Variants in UBE2L3 observed in about 807,000 individuals in gnomAD.
UBE2L3 encodes ubiquitin-conjugating enzyme E2 L3.
In UBE2L3, 1 loss-of-function variant was observed where a neutral mutation model predicts 17.8. The observed-to-expected ratio is 0.06, with a 90% CI of 0.02 to 0.27. The LOEUF (loss-of-function observed/expected upper bound fraction) is 0.27, where lower values mean the gene tolerates loss of function less well. Among genes scored for constraint, UBE2L3 ranks in the 10% least tolerant of loss-of-function variants. UBE2L3 has a pLI of 1.00. For missense variants in UBE2L3, 40 were observed against 192.6 expected, an observed-to-expected ratio of 0.21 and a Z score of 4.69; for synonymous variants, 44 against 68.5, an observed-to-expected ratio of 0.64 and a Z score of 1.76.
chr22:21,573,157 T>G (rs569942319), intron 1 of UBE2L3, among the ~76,000 whole-genome samples: 3 of 152,212 alleles, frequency 2.0e-5, no homozygotes, highest in African/African-American at 7.2e-5. Flanking sequence ...TAGTGTATGG[T>G]GTGGTGTGCA....
chr22:21,593,483 T>C (rs1928370182), intron 2 of UBE2L3, among the ~76,000 whole-genome samples: 1 of 152,152 alleles, frequency 6.6e-6, no homozygotes. Context: ...CTGGGGCTTA[T>C]GCCTCCAGTG....
At chr22:21,619,874 T>G (rs1200811855) in intron 3 of UBE2L3, among the ~76,000 whole-genome samples, 1 of 152,166 alleles carries the variant, frequency 6.6e-6, no homozygotes, top group African/African-American at 2.4e-5. Flanking sequence ...GTATTTTTAG[T>G]AGAGACGGGG....
At chr22:21,609,826 G>A (rs570572582) in intron 2 of UBE2L3, among the ~76,000 whole-genome samples, 1 of 152,132 alleles carries the variant, frequency 6.6e-6, no homozygotes, top group Non-Finnish European at 1.5e-5. Context: ...AGGAGTTCAA[G>A]ACCAGCCTGG....
chr22:21,619,727 T>G (rs961933255), intron 3 of UBE2L3, among the ~76,000 whole-genome samples: 1 of 152,244 alleles, frequency 6.6e-6, no homozygotes, highest in African/African-American at 2.4e-5. Flanking sequence ...AGTCTCGCTC[T>G]GTTGCCCAAG....
At chr22:21,600,704 G>T (rs541766146) in intron 2 of UBE2L3, among the ~76,000 whole-genome samples, 4 of 151,682 alleles carry the variant, frequency 2.6e-5, no homozygotes, top group African/African-American at 4.8e-5. Context: ...TCAAAAAAAA[G>T]GAAATATTTG....
At chr22:21,567,663 C>A (rs1926699835), upstream of UBE2L3, 2 of 1,548,968 alleles carry the variant, frequency 1.3e-6, no homozygotes, top group Non-Finnish European at 1.7e-6. Context: ...CGCGGCCCCT[C>A]CCCCGCTCCA....
At chr22:21,567,171 T>C (rs540808685), upstream of UBE2L3, among the ~76,000 whole-genome samples, 1 of 152,180 alleles carries the variant, frequency 6.6e-6, no homozygotes, top group South Asian at 2.1e-4. Context: ...TCAACTTTTT[T>C]TTTTTCCCCC....
At chr22:21,574,354 G>T (rs1400048081) in intron 1 of UBE2L3, among the ~76,000 whole-genome samples, 1 of 152,202 alleles carries the variant, frequency 6.6e-6, no homozygotes, top group Non-Finnish European at 1.5e-5. Context: ...CTTCGTCCGT[G>T]TGTGAAGGTT....
At chr22:21,593,278 T>G (rs2148422997) in intron 2 of UBE2L3, among the ~76,000 whole-genome samples, 1 of 152,296 alleles carries the variant, frequency 6.6e-6, no homozygotes, top group South Asian at 2.1e-4. Context: ...GACCTTCTTC[T>G]CTGAGCTCCT....
chr22:21,614,197 C>T (rs1483050841), intron 3 of UBE2L3, among the ~76,000 whole-genome samples: 1 of 152,198 alleles, frequency 6.6e-6, no homozygotes, highest in African/African-American at 2.4e-5. Context: ...TTTTCTGGTG[C>T]TATTTCCTGA....
At chr22:21,557,863 T>C (rs866591802) in intron 1 of UBE2L3, among the ~76,000 whole-genome samples, 1 of 152,204 alleles carries the variant, frequency 6.6e-6, no homozygotes, top group African/African-American at 2.4e-5. Context: ...TTCGAAGAAG[T>C]GTTTTGGTTT....
chr22:21,581,614 C>G (rs1040641109), intron 1 of UBE2L3, among the ~76,000 whole-genome samples: 1 of 151,988 alleles, frequency 6.6e-6, no homozygotes, highest in African/African-American at 2.4e-5. Flanking sequence ...CCAGCCTGAC[C>G]AACATGAATA....
At chr22:21,603,907 A>ATT (rs144747629) in intron 2 of UBE2L3, among the ~76,000 whole-genome samples, 1,567 of 111,310 alleles carry the variant, frequency 0.014, 47 homozygotes, top group African/African-American at 0.047. Flanking sequence ...GTGTTTTTTG[A>ATT]TTTTTTTTTT....
chr22:21,570,674 T>C (rs988634714), intron 1 of UBE2L3, among the ~76,000 whole-genome samples: 3 of 152,198 alleles, frequency 2.0e-5, no homozygotes, highest in African/African-American at 7.2e-5. Flanking sequence ...ATGCTGATCA[T>C]TGGCTGTGAG....
intron 1 of UBE2L3, among the ~76,000 whole-genome samples, chr22:21,557,493 C>G (rs1413146533): frequency 2.6e-5 from 4 of 152,166 alleles, no homozygotes; most frequent in Non-Finnish European, 4.4e-5. Context: ...TGGGGAGAGA[C>G]AGTGCCCATA....
At position 21,609,658 on chromosome 22, in the gene UBE2L3, A is replaced by G. The variant is rs115198370; in HGVS notation, c.124-1199A>G. Among the ~76,000 whole-genome samples the G allele has an allele frequency of 5.7e-3, 864 of 152,226 alleles. 5 individuals carry two copies. The highest frequency in any genetic ancestry group is 0.019 in the African/African-American group (808 of 41,532). ...GTGAAGTCAAGGTTGCAATGAGCCAAGATCACGCCACCATCCAGTGGGCAA... is the reference window on the plus strand; with the variant it reads ...GTGAAGTCAAGGTTGCAATGAGCCAGGATCACGCCACCATCCAGTGGGCAA... On this transcript the variant is annotated intron_variant, in intron 2 of 3. Coordinates refer to ENST00000342192, the MANE Select transcript of UBE2L3 (RefSeq NM_003347.4).
At chr22:21,573,776 C>T (rs1284299500) in intron 1 of UBE2L3, among the ~76,000 whole-genome samples, 2 of 152,172 alleles carry the variant, frequency 1.3e-5, no homozygotes, top group East Asian at 3.9e-4. Flanking sequence ...TGCGTCTGAC[C>T]TTGTGCCGTC....
rs373099071 is a variant in UBE2L3, at chr22:21,615,654, T to C, written c.310+4611T>C. ...ATTTGTAGTTGAGCCTCATTGTTCA[T>C]AGAGTCTGCGTTTGCGAATTTGCCT... On this transcript the variant is annotated intron_variant, in intron 3 of 3. Transcript: ENST00000342192. 2.6e-4 allele frequency among the ~76,000 whole-genome samples: 39 copies of C among 152,298 alleles called. No homozygotes were observed. The East Asian group carries it at 4.4e-3, about 17-fold the overall frequency.
intron 1 of UBE2L3, among the ~76,000 whole-genome samples, chr22:21,557,748 C>T (rs58561849): frequency 0.028 from 4,295 of 151,966 alleles, 110 homozygotes; most frequent in African/African-American, 0.099. Context: ...ATCTCGATCT[C>T]CTGACCTCGT....
Sources: allele counts gnomAD v4.1 joint callset (sites outside exome capture counted in the v4.1 genomes callset), GRCh38; gene constraint gnomAD v4.1.1; transcripts MANE v1.5; gene names NCBI Gene and HGNC (gene_info 2026-07-23, HGNC 2026-07-21).